Variants in FAF1 observed in about 807,000 individuals in gnomAD.
The protein encoded by FAF1 is FAS-associated factor 1.
FAF1 carries 25 observed loss-of-function variants against 92.5 expected under a neutral mutation model. The observed-to-expected ratio is 0.27, with a 90% CI of 0.20 to 0.38. The LOEUF is 0.38. FAF1 is among the 10% of genes least tolerant of loss of function. The probability of loss-of-function intolerance (pLI) is 1.00; values close to 1 mark genes in which losing one functional copy is unlikely to be tolerated. For missense variants in FAF1, 636 were observed against 793.3 expected (o/e 0.80, Z 2.38); for synonymous variants, 234 against 273.2 (o/e 0.86, Z 1.42).
At chr1:50,891,968 G>GAGGC (rs1349288327) in intron 1 of FAF1, among the ~76,000 whole-genome samples, 1 of 152,220 alleles carries the variant, frequency 6.6e-6, no homozygotes, top group African/African-American at 2.4e-5. Context: ...GGAGTCTACA[G>GAGGC]AGGCAGGCAG....
At chr1:50,927,588 A>T (rs1183933490) in intron 1 of FAF1, among the ~76,000 whole-genome samples, 1 of 152,216 alleles carries the variant, frequency 6.6e-6, no homozygotes, top group Non-Finnish European at 1.5e-5. Context: ...ATAAAGTTTT[A>T]AAACTGGCAA....
chr1:50,835,244 G>A (rs566091608), intron 2 of FAF1, among the ~76,000 whole-genome samples: 1 of 152,248 alleles, frequency 6.6e-6, no homozygotes, highest in African/African-American at 2.4e-5. Context: ...TTAACTAAAG[G>A]AAATAAGGTT....
intron 1 of FAF1, among the ~76,000 whole-genome samples, chr1:50,878,967 C>A (rs1644590902): frequency 6.6e-6 from 1 of 152,162 alleles, no homozygotes; most frequent in Non-Finnish European, 1.5e-5. Context: ...CAGATTAGGG[C>A]AGGTATGGTG....
intron 1 of FAF1, among the ~76,000 whole-genome samples, chr1:50,869,173 G>C (rs973891722): frequency 6.6e-6 from 1 of 151,974 alleles, no homozygotes; most frequent in South Asian, 2.1e-4. Context: ...ACTTAGTCTG[G>C]TATTAATATT....
chr1:50,831,529 C>T (rs570479224), intron 2 of FAF1, among the ~76,000 whole-genome samples: 12 of 152,238 alleles, frequency 7.9e-5, no homozygotes, highest in Admixed American at 5.2e-4. Flanking sequence ...ACACCGTCCC[C>T]TTGTACAGTG....
chr1:50,689,187 T>C (rs1656802626), intron 7 of FAF1, among the ~76,000 whole-genome samples: 2 of 152,360 alleles, frequency 1.3e-5, no homozygotes, highest in South Asian at 2.1e-4. Flanking sequence ...AATTTTGTTA[T>C]GTATATTTTA....
chr1:50,687,379 C>G (rs923661069), intron 7 of FAF1, among the ~76,000 whole-genome samples: 1 of 147,716 alleles, frequency 6.8e-6, no homozygotes, highest in Non-Finnish European at 1.5e-5. Flanking sequence ...AAAAACCCAA[C>G]CTGAAAAATG....
intron 4 of FAF1, among the ~76,000 whole-genome samples, chr1:50,768,610 T>C (rs1409362577): frequency 2.0e-5 from 3 of 151,100 alleles, no homozygotes; most frequent in East Asian, 3.9e-4. Flanking sequence ...GCAATAAAAA[T>C]AGAAATTGAT....
intron 1 of FAF1, among the ~76,000 whole-genome samples, chr1:50,931,958 A>G (rs1013312501): frequency 3.7e-4 from 53 of 143,402 alleles, no homozygotes; most frequent in African/African-American, 1.3e-3. Context: ...CCATGATTCA[A>G]TTACCTCCCC....
intron 7 of FAF1, among the ~76,000 whole-genome samples, chr1:50,687,774 T>G (rs1421787967): frequency 2.7e-5 from 4 of 149,362 alleles, no homozygotes; most frequent in Non-Finnish European, 4.5e-5. Flanking sequence ...ATGCTCAAAA[T>G]CACTAGCCAT....
chr1:50,533,117 T>C (rs1190065243), intron 15 of FAF1, among the ~76,000 whole-genome samples: 1 of 152,072 alleles, frequency 6.6e-6, no homozygotes, highest in Non-Finnish European at 1.5e-5. Context: ...TGCTGGGCTA[T>C]ACTTGTTACA....
intron 6 of FAF1, among the ~76,000 whole-genome samples, chr1:50,729,161 T>C (rs1466300940): frequency 1.3e-5 from 2 of 150,858 alleles, no homozygotes; most frequent in African/African-American, 4.9e-5. Flanking sequence ...GTTCAAGTGA[T>C]TCTCCTGCCT....
At chr1:50,712,372 T>C (rs1016757129) in intron 6 of FAF1, among the ~76,000 whole-genome samples, 6 of 152,098 alleles carry the variant, frequency 3.9e-5, no homozygotes, top group Admixed American at 3.9e-4. Context: ...ATACGCTATG[T>C]TTGCTGGGCT....
At position 50,788,114 on chromosome 1, in the gene FAF1, G is replaced by A. The variant is rs775128957; in HGVS notation, c.253C>T (p.Arg85Ter). ...ATCTGCCTGGATGGCATTACAGGTC[G>A]AAACGCTGAAGAAGAAGAGGAAGTA... ...APTSSSSSAF[R>*]PVMPSRQIVE... is the part of the protein sequence containing the mutation. The change falls in exon 4 of 19, where the codon CGA (arginine) becomes TGA (stop). Residue 85 changes from arginine (R) to a stop codon, truncating the protein, a stop_gained. Transcript: ENST00000396153. LOFTEE classifies it high-confidence loss of function. 1.9e-6 allele frequency: 3 copies of A among 1,614,098 alleles called. No homozygotes were observed. Among genetic ancestry groups the A allele is most frequent in the East Asian group, 2.2e-5 (1 of 44,868 alleles).
chr1:50,684,257 CTTTTTTTTTTTTT>C (rs756495229), intron 7 of FAF1, among the ~76,000 whole-genome samples: 1 of 114,436 alleles, frequency 8.7e-6, no homozygotes, highest in Non-Finnish European at 1.8e-5. Context: ...TTCCAACAGA[CTTTTTTTTTTTTT>C]TTTTTTTTGG....
intron 15 of FAF1, 94 bp from the exon 16 acceptor site, chr1:50,491,895 T>C: frequency 1.2e-6 from 1 of 834,598 alleles, no homozygotes; most frequent in South Asian, 1.7e-5. Flanking sequence ...TTTATTCCTA[T>C]ATGAACTTAT....
At chr1:50,884,538 AAT>A (rs1491112553) in intron 1 of FAF1, among the ~76,000 whole-genome samples, 12 of 151,706 alleles carry the variant, frequency 7.9e-5, no homozygotes, top group African/African-American at 2.9e-4. Flanking sequence ...AAAAAAAAAA[AAT>A]TTTTTTTCTT....
chr1:50,862,661 A>G (rs1237908796), intron 1 of FAF1, among the ~76,000 whole-genome samples: 1 of 151,922 alleles, frequency 6.6e-6, no homozygotes, highest in East Asian at 1.9e-4. Context: ...CACCTAACAC[A>G]TAAAGACTCA....
chr1:50,768,283 C>G (rs555772666), intron 4 of FAF1, among the ~76,000 whole-genome samples: 2 of 151,266 alleles, frequency 1.3e-5, no homozygotes, highest in Admixed American at 6.6e-5. Context: ...TAAAAGCACC[C>G]GGATTCATAT....
Sources: allele counts gnomAD v4.1 joint callset (sites outside exome capture counted in the v4.1 genomes callset), GRCh38; gene constraint gnomAD v4.1.1; transcripts MANE v1.5; gene names NCBI Gene and HGNC (gene_info 2026-07-23, HGNC 2026-07-21).